The following SLC24A3 variants were observed in gnomAD, a reference collection of about 807,000 sequenced individuals.
SLC24A3 encodes sodium/potassium/calcium exchanger 3.
Under a neutral mutation model 75.8 loss-of-function variants are expected in SLC24A3, and 28 were observed. That is an observed-to-expected ratio of 0.37 (90% CI 0.27 to 0.51). The LOEUF (loss-of-function observed/expected upper bound fraction) is 0.51. Ranked by LOEUF, SLC24A3 falls within the 20% of genes least tolerant of loss-of-function variation. SLC24A3 has a pLI of 0.94. For missense variants in SLC24A3, 663 were observed against 847.8 expected (o/e 0.78, Z 2.71); for synonymous variants, 372 against 334.1 (o/e 1.11, Z -1.24).
chr20:19,289,255 T>A lies in SLC24A3; in HGVS notation c.271+8168T>A, dbSNP rs980891766. ...TCCTTTCGTATGTTAGGGATCTGTTTAAAATTTTATTTGAAGAGTAAAAGT... is the reference window on the plus strand; with the variant it reads ...TCCTTTCGTATGTTAGGGATCTGTTAAAAATTTTATTTGAAGAGTAAAAGT... On this transcript the variant is annotated intron_variant, in intron 2 of 16. Transcript: ENST00000328041. Among the ~76,000 whole-genome samples the A allele has an allele frequency of 2.0e-5, 3 of 152,304 alleles. 1 individual carries two copies. Among genetic ancestry groups the A allele is most frequent in the African/African-American group, 7.2e-5 (3 of 41,556 alleles).
At chr20:19,338,070 G>A (rs897632174) in intron 2 of SLC24A3, among the ~76,000 whole-genome samples, 2 of 152,050 alleles carry the variant, frequency 1.3e-5, no homozygotes, top group Non-Finnish European at 1.5e-5. Context: ...ATGGAGAACT[G>A]GGAAGAAAAA....
At chr20:19,698,719 G>T (rs530218020) in intron 15 of SLC24A3, 39 bp downstream of exon 15, 1 of 1,466,534 alleles carries the variant, frequency 6.8e-7, no homozygotes, top group South Asian at 1.2e-5. Flanking sequence ...GAAATCCAGG[G>T]CTACGTGACT....
At chr20:19,295,915 T>C (rs1984049018) in intron 2 of SLC24A3, among the ~76,000 whole-genome samples, 1 of 152,154 alleles carries the variant, frequency 6.6e-6, no homozygotes, top group African/African-American at 2.4e-5. Flanking sequence ...TTGTTTGGAA[T>C]AGTTTCAGAA....
chr20:19,357,265 G>A (rs1985703778), intron 2 of SLC24A3, among the ~76,000 whole-genome samples: 1 of 152,224 alleles, frequency 6.6e-6, no homozygotes, highest in Non-Finnish European at 1.5e-5. Context: ...TTCTGGAGGG[G>A]GCATGGCTCT....
intron 1 of SLC24A3, among the ~76,000 whole-genome samples, chr20:19,225,493 A>G (rs955671515): frequency 1.2e-4 from 19 of 152,186 alleles, no homozygotes; most frequent in African/African-American, 3.6e-4. Context: ...ATCATACTAC[A>G]TATAATGTTT....
intron 2 of SLC24A3, among the ~76,000 whole-genome samples, chr20:19,331,463 G>A (rs1046910855): frequency 1.3e-5 from 2 of 150,122 alleles, no homozygotes; most frequent in Non-Finnish European, 2.9e-5. Context: ...GATAGAGAGA[G>A]ATAATAGATA....
chr20:19,215,508 A>G (rs889118682), intron 1 of SLC24A3, among the ~76,000 whole-genome samples: 2 of 152,154 alleles, frequency 1.3e-5, no homozygotes, highest in African/African-American at 4.8e-5. Flanking sequence ...CTTGAAAGCC[A>G]TGCAGTGATT....
chr20:19,368,558 A>G (rs1029228777), intron 2 of SLC24A3, among the ~76,000 whole-genome samples: 4 of 152,200 alleles, frequency 2.6e-5, no homozygotes, highest in African/African-American at 9.7e-5. Context: ...AGGCCACTGC[A>G]TTCAACTGAG....
chr20:19,702,213 CA>C (rs994810381), intron 15 of SLC24A3, among the ~76,000 whole-genome samples: 2 of 151,818 alleles, frequency 1.3e-5, no homozygotes, highest in East Asian at 1.9e-4. Context: ...CTTTAGAGAA[CA>C]AAAAAAATTA....
At chr20:19,216,481 A>G (rs1336346879) in intron 1 of SLC24A3, among the ~76,000 whole-genome samples, 2 of 152,078 alleles carry the variant, frequency 1.3e-5, no homozygotes, top group African/African-American at 4.8e-5. Context: ...GTGGTGGTGC[A>G]TTCCTGTAAT....
intron 6 of SLC24A3, among the ~76,000 whole-genome samples, chr20:19,614,688 G>A (rs532089706): frequency 7.2e-5 from 11 of 152,306 alleles, no homozygotes; most frequent in East Asian, 1.9e-4. Context: ...GAGTGCACTC[G>A]GTGACACTGA....
intron 2 of SLC24A3, 29 bp downstream of exon 2, chr20:19,281,116 A>G (rs1207602279): frequency 1.2e-6 from 2 of 1,612,278 alleles, no homozygotes; most frequent in East Asian, 2.2e-5. Context: ...CATGGGCAGC[A>G]GCTGTCATTT....
chr20:19,284,806 C>T (rs1302241385), intron 2 of SLC24A3, among the ~76,000 whole-genome samples: 1 of 152,220 alleles, frequency 6.6e-6, no homozygotes, highest in African/African-American at 2.4e-5. Flanking sequence ...CCTGTTGGGG[C>T]ATGATTCTGG....
At chr20:19,634,085 A>G (rs573979184) in intron 6 of SLC24A3, among the ~76,000 whole-genome samples, 1 of 152,330 alleles carries the variant, frequency 6.6e-6, no homozygotes, top group African/African-American at 2.4e-5. Context: ...ATTTATTTTT[A>G]TAGGCATGGC....
intron 9 of SLC24A3, among the ~76,000 whole-genome samples, chr20:19,676,225 C>T (rs2032521802): frequency 6.6e-6 from 1 of 152,302 alleles, no homozygotes; most frequent in East Asian, 1.9e-4. Context: ...CCTTGAAGCC[C>T]ATGAGTCGCT....
intron 6 of SLC24A3, among the ~76,000 whole-genome samples, chr20:19,637,215 C>T (rs1300367314): frequency 6.6e-6 from 1 of 152,228 alleles, no homozygotes; most frequent in African/African-American, 2.4e-5. Flanking sequence ...GCAGGTGAAT[C>T]GCTTGAACCC....
intron 2 of SLC24A3, among the ~76,000 whole-genome samples, chr20:19,450,188 G>C: frequency 6.6e-6 from 1 of 152,216 alleles, no homozygotes; most frequent in Non-Finnish European, 1.5e-5. Context: ...AGTTAGGTGA[G>C]AAAGCTTCAG....
intron 2 of SLC24A3, among the ~76,000 whole-genome samples, chr20:19,511,549 A>G (rs950560447): frequency 2.6e-5 from 4 of 151,968 alleles, no homozygotes; most frequent in South Asian, 2.1e-4. Flanking sequence ...GGATGGTCTC[A>G]ATCTCCTGAC....
intron 1 of SLC24A3, among the ~76,000 whole-genome samples, chr20:19,255,206 C>T (rs148255311): frequency 1.3e-5 from 2 of 152,336 alleles, no homozygotes; most frequent in African/African-American, 4.8e-5. Flanking sequence ...ATGTATTGTT[C>T]CTCTGCCAAG....
Sources: gnomAD v4.1 joint callset for allele counts (sites outside exome capture counted in the v4.1 genomes callset) on GRCh38, gnomAD v4.1.1 for gene constraint, MANE v1.5 for transcripts, NCBI Gene and HGNC (gene_info 2026-07-23, HGNC 2026-07-21) for gene names.